The following DLC1 variants were observed in gnomAD, a reference collection of about 807,000 sequenced individuals.
The protein encoded by DLC1 is rho GTPase-activating protein 7.
Under a neutral mutation model 140.3 loss-of-function variants are expected in DLC1, and 54 were observed. That is an observed-to-expected ratio of 0.38 (90% CI 0.31 to 0.48). DLC1 has a LOEUF of 0.48. DLC1 is among the 20% of genes least tolerant of loss of function. DLC1 has a pLI of 0.96. For synonymous variants in DLC1, 986 were observed against 728.1 expected (o/e 1.35, Z -5.70); for missense variants, 2,536 against 1,907.0 (o/e 1.33, Z -6.14).
intron 5 of DLC1, among the ~76,000 whole-genome samples, chr8:13,232,399 T>A (rs573557374): frequency 6.6e-6 from 1 of 152,212 alleles, no homozygotes; most frequent in South Asian, 2.1e-4. Context: ...AGTGGTGTGA[T>A]CTTGGCTCAC....
chr8:13,343,876 C>T (rs943753811), intron 4 of DLC1, among the ~76,000 whole-genome samples: 3 of 152,122 alleles, frequency 2.0e-5, no homozygotes, highest in Non-Finnish European at 4.4e-5. Flanking sequence ...GTGAATCTAA[C>T]ATTTCTTATC....
intron 5 of DLC1, among the ~76,000 whole-genome samples, chr8:13,137,732 G>T (rs546212897): frequency 6.6e-6 from 1 of 151,634 alleles, no homozygotes; most frequent in East Asian, 2.0e-4. Flanking sequence ...CACATAGCTG[G>T]GACTACAGGC....
intron 1 of DLC1, among the ~76,000 whole-genome samples, chr8:13,576,994 C>T (rs1163433638): frequency 5.3e-5 from 8 of 152,138 alleles, no homozygotes; most frequent in Admixed American, 5.2e-4. Context: ...CTGTGAAGTG[C>T]TTACTGCTTG....
chr8:13,492,763 A>G (rs4831237), intron 2 of DLC1, among the ~76,000 whole-genome samples: 128,562 of 152,162 alleles, frequency 0.84, 55,205 homozygotes, highest in Non-Finnish European at 0.94. Flanking sequence ...TAGCGTTTTC[A>G]TTTATCTTAC....
chr8:13,264,467 C>G lies in DLC1; in HGVS notation c.1348+40802G>C, dbSNP rs958620542. On this transcript the variant is annotated intron_variant, in intron 5 of 17. Coordinates refer to ENST00000276297, the MANE Select transcript of DLC1 (RefSeq NM_182643.3). ...GAAAGATATTTGCAGTATGGTGCCACTTAAAACTTTTAAATGTGCAAAATA... is the reference window on the plus strand; with the variant it reads ...GAAAGATATTTGCAGTATGGTGCCAGTTAAAACTTTTAAATGTGCAAAATA... Among the ~76,000 whole-genome samples, 8 of 152,166 alleles carry G rather than the reference C, an allele frequency of 5.3e-5. No individual in the cohort carries two copies. In the South Asian group the frequency reaches 1.7e-3, roughly 31 times the overall value.
intron 5 of DLC1, among the ~76,000 whole-genome samples, chr8:13,271,097 G>T (rs538108444): frequency 6.6e-6 from 1 of 152,220 alleles, no homozygotes; most frequent in South Asian, 2.1e-4. Flanking sequence ...ACATCAACAT[G>T]TTCCTCTTTT....
rs1452378439 is a variant in DLC1 at position 13,099,351 on chromosome 8, T to C, written c.2986A>G (p.Asn996Asp). The C allele has an allele frequency of 1.2e-6, 2 of 1,612,956 alleles. No homozygotes were observed. The highest frequency in any genetic ancestry group is 2.7e-5 in the African/African-American group (2 of 74,814). Reference sequence around the variant, plus strand: ...AGGCAGGAGAAAAGTTCTTACCTGTTGGACCTGGTTAGGGAAGCCCCAACC... The same window carrying C: ...AGGCAGGAGAAAAGTTCTTACCTGTCGGACCTGGTTAGGGAAGCCCCAACC... Reference protein sequence around the residue: ...SGVGASLTRSNRHRLRWHSFQ... With the variant: ...SGVGASLTRSDRHRLRWHSFQ... Residue 996 changes from asparagine to aspartate, a missense_variant, in exon 9 of 18, where the codon AAC becomes GAC. Transcript: ENST00000276297.
At chr8:13,091,253 A>G in intron 14 of DLC1, 65 bp downstream of exon 14, 1 of 1,527,658 alleles carries the variant, frequency 6.5e-7, no homozygotes, top group Non-Finnish European at 9.0e-7. Flanking sequence ...ACAAGGGTCA[A>G]GCCTAAGATT....
At chr8:13,286,338 T>G (rs1020958555) in intron 5 of DLC1, among the ~76,000 whole-genome samples, 2 of 152,194 alleles carry the variant, frequency 1.3e-5, no homozygotes, top group South Asian at 4.1e-4. Context: ...GGAGAATATG[T>G]ATATCGAAAT....
intron 1 of DLC1, among the ~76,000 whole-genome samples, chr8:13,571,064 C>T (rs1472391506): frequency 1.3e-5 from 2 of 152,152 alleles, no homozygotes; most frequent in African/African-American, 2.4e-5. Flanking sequence ...TGGGTAGGGG[C>T]TGAATATTGA....
At chr8:13,412,953 A>AG (rs1427379115) in intron 2 of DLC1, among the ~76,000 whole-genome samples, 4 of 147,276 alleles carry the variant, frequency 2.7e-5, no homozygotes, top group Admixed American at 6.9e-5. Context: ...AAAAAAAAAA[A>AG]ATGCCGGTTT....
At chr8:13,324,082 C>T (rs1454271351) in intron 4 of DLC1, among the ~76,000 whole-genome samples, 2 of 152,206 alleles carry the variant, frequency 1.3e-5, no homozygotes, top group Non-Finnish European at 2.9e-5. Context: ...TCTGACAAAT[C>T]CGACTGATTT....
At chr8:13,297,825 G>A (rs1041979422) in intron 5 of DLC1, among the ~76,000 whole-genome samples, 2 of 152,140 alleles carry the variant, frequency 1.3e-5, no homozygotes, top group African/African-American at 2.4e-5. Context: ...TCCAAGCAAT[G>A]ATGATCAGAC....
intron 4 of DLC1, among the ~76,000 whole-genome samples, chr8:13,374,541 G>A (rs1485014970): frequency 6.6e-6 from 1 of 152,116 alleles, no homozygotes; most frequent in African/African-American, 2.4e-5. Context: ...TCCCAGCACT[G>A]TGGGAGGCCG....
intron 5 of DLC1, among the ~76,000 whole-genome samples, chr8:13,189,955 G>A (rs1165128577): frequency 6.6e-6 from 1 of 151,750 alleles, no homozygotes; most frequent in Non-Finnish European, 1.5e-5. Flanking sequence ...AGGTGAGAGA[G>A]AGCCCAGCGC....
chr8:13,105,012 G>C (rs1046737942), intron 7 of DLC1, among the ~76,000 whole-genome samples: 3 of 152,156 alleles, frequency 2.0e-5, no homozygotes, highest in Admixed American at 2.0e-4. Flanking sequence ...TCTTAGGTCT[G>C]GGTTCCATTA....
intron 5 of DLC1, among the ~76,000 whole-genome samples, chr8:13,249,542 C>A (rs111304502): frequency 1.0e-3 from 158 of 152,304 alleles, no homozygotes; most frequent in African/African-American, 3.4e-3. Flanking sequence ...CTAGCCAAGG[C>A]TCTCTTCACT....
chr8:13,350,646 G>A (rs1366943669), intron 4 of DLC1, among the ~76,000 whole-genome samples: 1 of 152,100 alleles, frequency 6.6e-6, no homozygotes, highest in Non-Finnish European at 1.5e-5. Flanking sequence ...AACCAGGGAG[G>A]CGGAGGTTGC....
At chr8:13,222,436 G>A (rs780274314) in intron 5 of DLC1, among the ~76,000 whole-genome samples, 2 of 152,076 alleles carry the variant, frequency 1.3e-5, no homozygotes, top group African/African-American at 4.8e-5. Flanking sequence ...ATGTAGGTTA[G>A]ACACATCCTT....
Sources: allele counts gnomAD v4.1 joint callset (sites outside exome capture counted in the v4.1 genomes callset), GRCh38; gene constraint gnomAD v4.1.1; transcripts MANE v1.5; gene names NCBI Gene and HGNC (gene_info 2026-07-23, HGNC 2026-07-21).